The following TAF1B variants were observed in gnomAD, a reference collection of about 807,000 sequenced individuals.
The protein encoded by TAF1B is TATA box-binding protein-associated factor RNA polymerase I subunit B.
TAF1B carries 61 observed loss-of-function variants against 83.9 expected under a neutral mutation model. The observed-to-expected ratio is 0.73, with a 90% CI of 0.59 to 0.90. The LOEUF is 0.90. Among genes scored for constraint, TAF1B ranks in the 40% least tolerant of loss-of-function variants. The pLI is 0.00. For synonymous variants in TAF1B, 221 were observed against 224.6 expected, an observed-to-expected ratio of 0.98 and a Z score of 0.14; for missense variants, 625 against 677.0, an observed-to-expected ratio of 0.92 and a Z score of 0.85.
chr2:9,930,246 C>T (rs546523253), intron 14 of TAF1B, among the ~76,000 whole-genome samples: 2 of 152,198 alleles, frequency 1.3e-5, no homozygotes, highest in South Asian at 4.1e-4. Flanking sequence ...TCATGCTTCT[C>T]TAGTTCTTTT....
At chr2:9,879,127 T>C (rs1664414831) in intron 7 of TAF1B, among the ~76,000 whole-genome samples, 1 of 152,246 alleles carries the variant, frequency 6.6e-6, no homozygotes. Flanking sequence ...CACTATGTTT[T>C]TTCCTATGTG....
At chr2:9,846,377 GGAC>G (rs1663208118) in intron 2 of TAF1B, among the ~76,000 whole-genome samples, 2 of 152,282 alleles carry the variant, frequency 1.3e-5, no homozygotes, top group Non-Finnish European at 2.9e-5. Flanking sequence ...GTCTGCTGCT[GGAC>G]AGGCTAAATG....
intron 5 of TAF1B, among the ~76,000 whole-genome samples, chr2:9,857,340 AT>A (rs1186965954): frequency 4.6e-5 from 7 of 152,208 alleles, no homozygotes. Flanking sequence ...ACTGGAGGTG[AT>A]AAGTGATAGG....
At chr2:9,850,545 G>T (rs1202460293) in intron 3 of TAF1B, among the ~76,000 whole-genome samples, 1 of 152,148 alleles carries the variant, frequency 6.6e-6, no homozygotes, top group Non-Finnish European at 1.5e-5. Flanking sequence ...GAAGGAATTG[G>T]GTTAGTTAGC....
At chr2:9,919,214 T>A in intron 13 of TAF1B, 103 bp downstream of exon 13, 2 of 942,994 alleles carry the variant, frequency 2.1e-6, no homozygotes, top group Non-Finnish European at 3.3e-6. Context: ...TTACTTTTTT[T>A]AAACAAATGT....
chr2:9,862,842 C>T (rs1465434289), intron 5 of TAF1B, among the ~76,000 whole-genome samples: 1 of 152,132 alleles, frequency 6.6e-6, no homozygotes, highest in Non-Finnish European at 1.5e-5. Context: ...TCCAGCCAAA[C>T]TAAGCTTCAT....
rs188109593 is a variant in TAF1B at position 9,866,211 on chromosome 2, A to G, written c.400-2065A>G. On this transcript the variant is annotated intron_variant, in intron 5 of 14. Coordinates refer to ENST00000263663, the MANE Select transcript of TAF1B (RefSeq NM_005680.3). ...ATCTGACAAAGGGCTAATATCCAGAATCTACAATGAACTCAAACAAATTTA... is the reference window on the plus strand; with the variant it reads ...ATCTGACAAAGGGCTAATATCCAGAGTCTACAATGAACTCAAACAAATTTA... Among the ~76,000 whole-genome samples the G allele has an allele frequency of 5.6e-3, 856 of 152,226 alleles. 7 individuals are homozygous for G. Among genetic ancestry groups the G allele is most frequent in the African/African-American group, 0.018 (732 of 41,554 alleles).
chr2:9,879,649 G>A (rs1664432544), intron 7 of TAF1B, among the ~76,000 whole-genome samples: 1 of 152,176 alleles, frequency 6.6e-6, no homozygotes, highest in Non-Finnish European at 1.5e-5. Flanking sequence ...AAGGAGCAGA[G>A]GAGAGTTCGT....
At chr2:9,896,432 G>A (rs1162040393) in intron 8 of TAF1B, among the ~76,000 whole-genome samples, 2 of 152,020 alleles carry the variant, frequency 1.3e-5, no homozygotes, top group African/African-American at 2.4e-5. Context: ...AGCTTTCTCC[G>A]CTAAGTCTTG....
intron 5 of TAF1B, among the ~76,000 whole-genome samples, chr2:9,855,082 C>T (rs1334914486): frequency 6.6e-6 from 1 of 152,128 alleles, no homozygotes; most frequent in South Asian, 2.1e-4. Context: ...GCAACCTCTG[C>T]CTTCCTGGTT....
intron 14 of TAF1B, among the ~76,000 whole-genome samples, chr2:9,928,969 C>A (rs545576347): frequency 1.3e-5 from 2 of 152,250 alleles, no homozygotes; most frequent in East Asian, 3.9e-4. Context: ...CAGTTTTTGC[C>A]CATTCAGTAT....
chr2:9,868,423 C>G lies in TAF1B; in HGVS notation c.547C>G (p.Gln183Glu). Reference protein sequence around the residue: ...RKPFPVSKASQSETSVCSGSL... With the variant: ...RKPFPVSKASESETSVCSGSL... ...ACCTTTCCCCGTCAGCAAAGCATCA[C>G]AATCAGGTAAAAATGAGAACCAAAC... is the stretch of plus-strand genomic sequence containing the variant. The change falls in exon 6 of 15, where the codon CAA becomes GAA. Residue 183 changes from glutamine to glutamate, a missense_variant. Transcript: ENST00000263663. 2 of 1,610,240 alleles carry G rather than the reference C, an allele frequency of 1.2e-6. No individual in the cohort carries two copies. The highest frequency in any genetic ancestry group is 1.7e-6 in the Non-Finnish European group (2 of 1,178,146).
At chr2:9,853,204 T>C (rs1663455537) in intron 4 of TAF1B, among the ~76,000 whole-genome samples, 1 of 152,100 alleles carries the variant, frequency 6.6e-6, no homozygotes. Context: ...CTGAAAACAA[T>C]TTTTCTGAAA....
In TAF1B at chr2:9,845,205, C is replaced by T. The variant is rs1204699272; in HGVS notation, c.19-15C>T. 7 of 1,599,210 alleles carry T rather than the reference C, an allele frequency of 4.4e-6. No homozygotes were observed. The African/African-American group carries it at 5.4e-5, about 12-fold the overall frequency. On this transcript the variant is annotated splice_polypyrimidine_tract_variant and intron_variant, in intron 1 of 14. Coordinates refer to ENST00000263663, the MANE Select transcript of TAF1B (RefSeq NM_005680.3). The stretch of plus-strand genomic sequence containing the variant: ...GGCTTGATGGGAACACCTTTTCTGT[C>T]CTCTTCTCCCATAGGAAGAGTTTAA...
At chr2:9,911,403 G>A in intron 10 of TAF1B, 108 bp from the exon 11 acceptor site, 2 of 783,426 alleles carry the variant, frequency 2.6e-6, no homozygotes, top group Non-Finnish European at 3.9e-6. Flanking sequence ...TTAAAACATG[G>A]TATCAATTTC....
At position 9,920,584 on chromosome 2, in the gene TAF1B, G is replaced by GGTT. The variant is rs1428133763; in HGVS notation, c.1565+765_1565+766insTTG. 6.8e-4 allele frequency among the ~76,000 whole-genome samples: 66 copies of GGTT among 97,396 alleles called. 1 individual carries two copies. The highest frequency in any genetic ancestry group is 6.8e-4 in the Admixed American group (6 of 8,802). 63.9% of individuals were successfully genotyped at this position (97,396 alleles called of 152,430 possible). ...ATGGCGTCTGTAGACTGGGGCGGGG[G>GGTT]GCGGGGGGTCCATTTGCCCCTCAGG... On this transcript the variant is annotated intron_variant, in intron 14 of 14. Coordinates refer to ENST00000263663, the MANE Select transcript of TAF1B (RefSeq NM_005680.3).
rs1016316080 is a variant in TAF1B at position 9,934,112 on chromosome 2, A to C, written c.*128A>C. 1.4e-6 allele frequency: 1 copy of C among 737,982 alleles called. No homozygotes were observed. Among genetic ancestry groups the C allele is most frequent in the African/African-American group, 1.8e-5 (1 of 56,362 alleles). 45.7% of individuals were successfully genotyped at this position (737,982 alleles called of 1,614,324 possible). ...TGTATAGACTCTGACACATATTTAC[A>C]TATATATCAAGTGTGCTTAGAAAAA... On this transcript the variant is annotated 3_prime_UTR_variant, in exon 15 of 15. Coordinates refer to ENST00000263663, the MANE Select transcript of TAF1B (RefSeq NM_005680.3).
chr2:9,922,753 C>T (rs903993410), intron 14 of TAF1B, among the ~76,000 whole-genome samples: 2 of 152,076 alleles, frequency 1.3e-5, no homozygotes, highest in Non-Finnish European at 2.9e-5. Context: ...AATGAAAAAT[C>T]CCAGCGGCTA....
intron 14 of TAF1B, among the ~76,000 whole-genome samples, chr2:9,920,274 A>C (rs766494294): frequency 6.6e-6 from 1 of 152,148 alleles, no homozygotes; most frequent in Non-Finnish European, 1.5e-5. Context: ...CCCACAGTCC[A>C]TATTCCAATT....
Sources: allele counts gnomAD v4.1 joint callset (sites outside exome capture counted in the v4.1 genomes callset), GRCh38; gene constraint gnomAD v4.1.1; transcripts MANE v1.5; gene names NCBI Gene and HGNC (gene_info 2026-07-23, HGNC 2026-07-21).